The following SGSM1 variants were observed in gnomAD, a reference collection of about 807,000 sequenced individuals.
SGSM1 encodes small G protein signaling modulator 1.
Under a neutral mutation model 133.8 loss-of-function variants are expected in SGSM1, and 73 were observed. The ratio of observed to expected loss-of-function variants is 0.55; its 90% CI spans 0.45 to 0.66. The LOEUF is 0.66. SGSM1 is among the 30% of genes least tolerant of loss of function. The pLI is 0.00. For synonymous variants in SGSM1, 563 were observed against 573.0 expected (o/e 0.98, Z 0.25); for missense variants, 1,213 against 1,448.1 (o/e 0.84, Z 2.64).
At chr22:24,865,512 G>T (rs956677760) in intron 9 of SGSM1, among the ~76,000 whole-genome samples, 5 of 152,204 alleles carry the variant, frequency 3.3e-5, no homozygotes, top group Admixed American at 2.6e-4. Context: ...GGGTTTCTCT[G>T]AGCCTATCCC....
Position 24,893,633 on chromosome 22 carries a change from G to C in SGSM1, c.1953+20G>C, listed in dbSNP as rs371826780. On this transcript the variant is annotated intron_variant, in intron 17 of 24. Coordinates refer to ENST00000400358, the MANE Select transcript of SGSM1 (RefSeq NM_001098497.3). ...AATGAGGTGATGGGCGGCTGGCCTC[G>C]GGGAGCGCGGGGGCTGGGGAAGGTC... The C allele has an allele frequency of 6.5e-7, 1 of 1,536,338 alleles. No individual in the cohort carries two copies. Among genetic ancestry groups the C allele is most frequent in the African/African-American group, 1.4e-5 (1 of 72,884 alleles).
At chr22:24,827,963 A>C (rs1320154531) in intron 2 of SGSM1, among the ~76,000 whole-genome samples, 1 of 151,910 alleles carries the variant, frequency 6.6e-6, no homozygotes, top group Non-Finnish European at 1.5e-5. Flanking sequence ...CGGACCCCTT[A>C]GAGTGGATGC....
intron 9 of SGSM1, 76 bp from the exon 10 acceptor site, chr22:24,867,017 T>A: frequency 7.1e-7 from 1 of 1,410,424 alleles, no homozygotes; most frequent in Non-Finnish European, 9.9e-7. Flanking sequence ...CTGGTTGTGG[T>A]CTGCTGGCCT....
chr22:24,898,358 C>T lies in SGSM1; in HGVS notation c.2409C>T (p.Asp803=). 1 of 1,613,926 alleles carries T rather than the reference C, an allele frequency of 6.2e-7. No individual in the cohort carries two copies. Among genetic ancestry groups the T allele is most frequent in the Non-Finnish European group, 8.5e-7 (1 of 1,179,888 alleles). Residue 803 remains aspartate, a synonymous_variant, in exon 19 of 25, where the codon GAC becomes GAT. Coordinates refer to ENST00000400358, the MANE Select transcript of SGSM1 (RefSeq NM_001098497.3). ...TCATGTCCATCACGGGCAGCCTGGACATGGCCCTGCCTGAAAAGGACGATG... is the reference window on the plus strand; with the variant it reads ...TCATGTCCATCACGGGCAGCCTGGATATGGCCCTGCCTGAAAAGGACGATG... The part of the protein sequence containing the change: ...DEFMSITGSL[D]MALPEKDDVV...
In SGSM1 at chr22:24,859,791, C is replaced by T. The variant is rs1931021174; in HGVS notation, c.877C>T (p.Pro293Ser). The change falls in exon 9 of 25, where the codon CCC (proline) becomes TCC (serine). Residue 293 changes from proline (P) to serine (S), a missense_variant. Pro to Ser is a moderately conservative substitution (Grantham distance 74). Coordinates refer to ENST00000400358, the MANE Select transcript of SGSM1 (RefSeq NM_001098497.3). Reference protein sequence around the residue: ...TADVMTLKWTPNQLMNGSVGD... With the variant: ...TADVMTLKWTSNQLMNGSVGD... ...TGACGTCATGACCTTGAAGTGGACA[C>T]CCAACCAGCTGATGAACGGGTCTGT... 6.2e-7 allele frequency: 1 copy of T among 1,613,848 alleles called. No homozygotes were observed.
In SGSM1 at chr22:24,917,727, C is replaced by T. The variant is rs775682390; in HGVS notation, c.2998C>T (p.Arg1000Cys). Reference sequence around the variant, plus strand: ...CTATACTCACTTCTACTTCTGCTACCGCTGGTTCCTGCTGGATTTCAAGCG... The same window carrying T: ...CTATACTCACTTCTACTTCTGCTACTGCTGGTTCCTGCTGGATTTCAAGCG... ...GDYTHFYFCY[R>C]WFLLDFKREL... Residue 1000 changes from arginine (R) to cysteine (C), a missense_variant, in exon 23 of 25, where the codon CGC (arginine) becomes TGC (cysteine). Coordinates refer to ENST00000400358, the MANE Select transcript of SGSM1 (RefSeq NM_001098497.3). The T allele has an allele frequency of 1.9e-6, 3 of 1,613,738 alleles. No individual in the cohort carries two copies. The highest frequency in any genetic ancestry group is 2.5e-6 in the Non-Finnish European group (3 of 1,179,858).
In SGSM1 at chr22:24,824,230, C is replaced by G. The variant is rs562999904; in HGVS notation, c.63+17746C>G. On this transcript the variant is annotated intron_variant, in intron 2 of 24. Transcript: ENST00000400358. ...CAGAGCTAGGAATGGGTGAGGATATCAAGTGGAGGGGACTGCATGGGCAAG... is the reference window on the plus strand; with the variant it reads ...CAGAGCTAGGAATGGGTGAGGATATGAAGTGGAGGGGACTGCATGGGCAAG... Among the ~76,000 whole-genome samples the G allele has an allele frequency of 2.8e-4, 43 of 152,248 alleles. No individual in the cohort carries two copies. The South Asian group carries it at 8.9e-3, about 32-fold the overall frequency.
At chr22:24,890,837 C>T (rs1273233669) in intron 16 of SGSM1, among the ~76,000 whole-genome samples, 2 of 152,186 alleles carry the variant, frequency 1.3e-5, no homozygotes, top group Non-Finnish European at 2.9e-5. Flanking sequence ...CCAACTACCC[C>T]CAGCCTAAAA....
chr22:24,830,588 G>A (rs1159874791), intron 2 of SGSM1, among the ~76,000 whole-genome samples: 1 of 116,406 alleles, frequency 8.6e-6, no homozygotes, highest in Non-Finnish European at 1.9e-5. Context: ...GAAGGATGCT[G>A]GGAGTCCACA....
At chr22:24,913,564 T>C (rs1327091735) in intron 22 of SGSM1, among the ~76,000 whole-genome samples, 1 of 152,194 alleles carries the variant, frequency 6.6e-6, no homozygotes, top group Non-Finnish European at 1.5e-5. Flanking sequence ...GTAAATATTA[T>C]GGATGCTTTA....
intron 3 of SGSM1, among the ~76,000 whole-genome samples, 178 bp downstream of exon 3, chr22:24,845,150 T>G (rs1452892523): frequency 6.6e-6 from 1 of 152,160 alleles, no homozygotes; most frequent in Non-Finnish European, 1.5e-5. Flanking sequence ...AAATGACTTC[T>G]GTACCCCATG....
intron 12 of SGSM1, among the ~76,000 whole-genome samples, chr22:24,873,852 C>T (rs1255788847): frequency 1.3e-5 from 2 of 150,592 alleles, no homozygotes; most frequent in Non-Finnish European, 3.0e-5. Context: ...GACCCTGCCT[C>T]AGAAAAAAAA....
In SGSM1 at chr22:24,898,548, G is replaced by A. The variant is rs772283914; in HGVS notation, c.2599G>A (p.Val867Ile). 1.9e-5 allele frequency: 31 copies of A among 1,604,132 alleles called. No homozygotes were observed. Among genetic ancestry groups the A allele is most frequent in the South Asian group, 4.5e-5 (4 of 89,332 alleles). Residue 867 changes from valine (V) to isoleucine (I), a missense_variant, in exon 19 of 25, where the codon GTC becomes ATC. Coordinates refer to ENST00000400358, the MANE Select transcript of SGSM1 (RefSeq NM_001098497.3). ...NEVSPVSSSG[V>I]TYSPELLDLY... ...GGTGTCCCCTGTGTCTTCCAGCGGC[G>A]TCACCTACTCTGTAAGTCACCAGGA...
At chr22:24,861,673 G>A (rs1379429730) in intron 9 of SGSM1, among the ~76,000 whole-genome samples, 4 of 151,300 alleles carry the variant, frequency 2.6e-5, no homozygotes, top group Non-Finnish European at 5.9e-5. Flanking sequence ...TCAGCCTCCT[G>A]AGTAGCTGGG....
Position 24,844,905 on chromosome 22 carries a change from G to A in SGSM1, c.72G>A (p.Gln24=), listed in dbSNP as rs1930006470. The A allele has an allele frequency of 6.2e-7, 1 of 1,613,656 alleles. No individual in the cohort carries two copies. Among genetic ancestry groups the A allele is most frequent in the Admixed American group, 1.7e-5 (1 of 59,990 alleles). ...LLRTVKKEVK[Q]IMEEAVTRKF... is the part of the protein sequence containing the mutation. ...TCACCTTTGCCTTCCAGGTGAAGCAGATCATGGAGGAGGCTGTGACACGCA... is the reference window on the plus strand; with the variant it reads ...TCACCTTTGCCTTCCAGGTGAAGCAAATCATGGAGGAGGCTGTGACACGCA... The change falls in exon 3 of 25, where the codon CAG becomes CAA. Residue 24 remains glutamine, a synonymous_variant. Transcript: ENST00000400358.
At chr22:24,890,847 A>G (rs1187538290) in intron 16 of SGSM1, among the ~76,000 whole-genome samples, 3 of 152,160 alleles carry the variant, frequency 2.0e-5, no homozygotes. Flanking sequence ...CCAGCCTAAA[A>G]TCTGGTGGTA....
chr22:24,895,268 A>G lies in SGSM1; in HGVS notation c.1999A>G (p.Ser667Gly), dbSNP rs1402950174. The G allele has an allele frequency of 6.2e-7, 1 of 1,611,980 alleles. No individual in the cohort carries two copies. Among genetic ancestry groups the G allele is most frequent in the African/African-American group, 1.3e-5 (1 of 74,990 alleles). Residue 667 changes from serine to glycine, a missense_variant, in exon 18 of 25, where the codon AGC (serine) becomes GGC (glycine). By Grantham distance (56) the Ser-to-Gly change is moderately conservative. Coordinates refer to ENST00000400358, the MANE Select transcript of SGSM1 (RefSeq NM_001098497.3). Reference sequence around the variant, plus strand: ...GGGCCGCCAGAACATCCGCCTGCACAGCGACTCCAGCAGCAGCACACAGGT... The same window carrying G: ...GGGCCGCCAGAACATCCGCCTGCACGGCGACTCCAGCAGCAGCACACAGGT... ...SSGRQNIRLH[S>G]DSSSSTQVFE... is the part of the protein sequence containing the mutation.
At chr22:24,860,910 A>ATATATATATATATATATAT (rs1361547978) in intron 9 of SGSM1, among the ~76,000 whole-genome samples, 1 of 97,214 alleles carries the variant, frequency 1.0e-5, no homozygotes. Context: ...AAAAAAAAAA[A>ATATATATATATATATATAT]AAAAAAAAAA....
intron 18 of SGSM1, among the ~76,000 whole-genome samples, chr22:24,896,579 A>G (rs1932918785): frequency 6.6e-6 from 1 of 151,566 alleles, no homozygotes; most frequent in Non-Finnish European, 1.5e-5. Context: ...ATAATAGTCA[A>G]CCACCTGGGT....
Sources: gnomAD v4.1 joint callset for allele counts (sites outside exome capture counted in the v4.1 genomes callset) on GRCh38, gnomAD v4.1.1 for gene constraint, MANE v1.5 for transcripts, NCBI Gene and HGNC (gene_info 2026-07-23, HGNC 2026-07-21) for gene names.